The following SGSM2 variants were observed in gnomAD, a reference collection of about 807,000 sequenced individuals.
SGSM2 encodes RUN and TBC1 domain containing 1.
Under a neutral mutation model 126.6 loss-of-function variants are expected in SGSM2, and 89 were observed. The observed-to-expected ratio is 0.70, with a 90% CI of 0.59 to 0.84. The LOEUF (loss-of-function observed/expected upper bound fraction) is 0.84, where lower values mean the gene tolerates loss of function less well. Ranked by LOEUF, SGSM2 falls within the 40% of genes least tolerant of loss-of-function variation. The pLI, the probability that SGSM2 is intolerant of heterozygous loss-of-function variation, is 0.00. For missense variants in SGSM2, 1,404 were observed against 1,416.6 expected (o/e 0.99, Z 0.14); for synonymous variants, 614 against 574.3 (o/e 1.07, Z -0.99).
chr17:2,338,789 A>ATATATATATATATATAT lies in SGSM2; in HGVS notation c.57+1044_57+1045insTATATATATATATATAT, dbSNP rs1483751869. On this transcript the variant is annotated intron_variant, in intron 1 of 23. Transcript: ENST00000268989. Reference sequence around the variant, plus strand: ...CCGTCTCCCTAATATATATATATATAACCTCACGCCTGTAATCCCAGCACG... The same window carrying ATATATATATATATATAT: ...CCGTCTCCCTAATATATATATATATATATATATATATATATATACCTCACGCCTGTAATCCCAGCACG... Among the ~76,000 whole-genome samples the ATATATATATATATATAT allele has an allele frequency of 5.4e-5, 8 of 148,202 alleles. No homozygotes were observed. In the East Asian group the frequency reaches 6.7e-4, roughly 13 times the overall value.
intron 2 of SGSM2, among the ~76,000 whole-genome samples, chr17:2,357,770 T>G (rs1183286120): frequency 6.6e-6 from 1 of 152,238 alleles, no homozygotes; most frequent in Non-Finnish European, 1.5e-5. Flanking sequence ...GTGCTGGGAT[T>G]ACAGGTGTGA....
At chr17:2,371,799 C>G (rs1162016465) in intron 13 of SGSM2, 9 of 384,896 alleles carry the variant, frequency 2.3e-5, no homozygotes, top group African/African-American at 4.2e-5. Context: ...TGAGGACACT[C>G]AGCAGCCACC....
At chr17:2,368,697 C>T (rs1036303071) in intron 12 of SGSM2, among the ~76,000 whole-genome samples, 2 of 138,198 alleles carry the variant, frequency 1.4e-5, no homozygotes, top group African/African-American at 5.3e-5. Flanking sequence ...AGCCCGTAGG[C>T]CAGGCCTAGG....
At chr17:2,368,107 C>T (rs988167813) in intron 12 of SGSM2, among the ~76,000 whole-genome samples, 15 of 152,232 alleles carry the variant, frequency 9.9e-5, no homozygotes, top group African/African-American at 3.4e-4. Context: ...AGCTCCGTCT[C>T]TTCACCTGCG....
At chr17:2,347,841 G>A (rs2064670747) in intron 2 of SGSM2, among the ~76,000 whole-genome samples, 1 of 152,116 alleles carries the variant, frequency 6.6e-6, no homozygotes, top group Non-Finnish European at 1.5e-5. Flanking sequence ...GGCTGGTAGA[G>A]CAGGTTTCAG....
chr17:2,343,232 C>A (rs1056302062), intron 1 of SGSM2, among the ~76,000 whole-genome samples: 7 of 152,108 alleles, frequency 4.6e-5, no homozygotes, highest in African/African-American at 1.7e-4. Flanking sequence ...AGAAGCCCTT[C>A]GTGAGCTGAG....
At chr17:2,373,161 T>A in intron 16 of SGSM2, 80 bp downstream of exon 16, 2 of 1,578,266 alleles carry the variant, frequency 1.3e-6, no homozygotes, top group Admixed American at 3.6e-5. Flanking sequence ...CTTGGAAGCC[T>A]CAGCCCCTTC....
intron 19 of SGSM2, 115 bp downstream of exon 19, chr17:2,376,376 G>T: frequency 3.6e-6 from 5 of 1,401,054 alleles, no homozygotes; most frequent in Non-Finnish European, 4.9e-6. Flanking sequence ...ATCACACTTG[G>T]CTCCCCCTGC....
At chr17:2,378,921 CCAGCCTCAGCCTCAGCCT>C (rs368736242) in intron 22 of SGSM2, 97 bp from the exon 23 acceptor site, 86,028 of 1,297,768 alleles carry the variant, frequency 0.066, 3,479 homozygotes, top group African/African-American at 0.16. Context: ...AGCCCCAGCC[CCAGCCTCAGCCTCAGCCT>C]CAGCCCCAGC....
At chr17:2,348,134 G>T (rs962224469) in intron 2 of SGSM2, among the ~76,000 whole-genome samples, 1 of 152,292 alleles carries the variant, frequency 6.6e-6, no homozygotes, top group East Asian at 1.9e-4. Context: ...AGCCAGGAAG[G>T]TCTGCCCTGC....
chr17:2,364,115 C>G lies in SGSM2; in HGVS notation c.864C>G (p.Ser288Arg). 1.9e-6 allele frequency: 3 copies of G among 1,614,000 alleles called. No homozygotes were observed. Among genetic ancestry groups the G allele is most frequent in the Non-Finnish European group, 2.5e-6 (3 of 1,179,996 alleles). Residue 288 changes from serine (S) to arginine (R), a missense_variant, in exon 8 of 24, where the codon AGC becomes AGG. Coordinates refer to ENST00000268989, the MANE Select transcript of SGSM2 (RefSeq NM_014853.3). ...TCTCCCTGCACCAGTCTGCAGAGAG[C>G]CTGACTCTGAAGTGGACCCCCAACC... ...GYLSLHQSAE[S>R]LTLKWTPNQL...
At chr17:2,358,319 C>T (rs921854101) in intron 2 of SGSM2, among the ~76,000 whole-genome samples, 1 of 152,134 alleles carries the variant, frequency 6.6e-6, no homozygotes, top group Non-Finnish European at 1.5e-5. Context: ...GCTTTGCAGG[C>T]AGTTCTGAGT....
intron 2 of SGSM2, among the ~76,000 whole-genome samples, chr17:2,344,500 C>T (rs2064507453): frequency 6.6e-6 from 1 of 152,162 alleles, no homozygotes; most frequent in African/African-American, 2.4e-5. Context: ...ACAGCAGATA[C>T]AGCTGCCCTT....
At chr17:2,379,370 C>T in intron 23 of SGSM2, 62 bp from the exon 24 acceptor site, 1 of 1,573,132 alleles carries the variant, frequency 6.4e-7, no homozygotes, top group African/African-American at 1.3e-5. Context: ...GGGTAGTCAG[C>T]CACCTCCTAG....
intron 18 of SGSM2, 92 bp from the exon 19 acceptor site, chr17:2,376,045 C>T: frequency 6.3e-7 from 1 of 1,585,332 alleles, no homozygotes. Context: ...TCTCTGGGTT[C>T]CGTTTTGCTG....
At chr17:2,371,747 C>T (rs1245708073) in intron 13 of SGSM2, 1 of 394,236 alleles carries the variant, frequency 2.5e-6, no homozygotes, top group Non-Finnish European at 4.6e-6. Context: ...GTGAGCTCCC[C>T]TTCCCGATGT....
intron 2 of SGSM2, among the ~76,000 whole-genome samples, chr17:2,353,250 T>C (rs909236531): frequency 8.5e-5 from 13 of 152,058 alleles, no homozygotes; most frequent in African/African-American, 2.9e-4. Flanking sequence ...ACCAAACGAT[T>C]CCACAGATCC....
chr17:2,380,156 G>A lies in SGSM2; in HGVS notation c.*636G>A. On this transcript the variant is annotated 3_prime_UTR_variant, in exon 24 of 24. Coordinates refer to ENST00000268989, the MANE Select transcript of SGSM2 (RefSeq NM_014853.3). ...AGCCCACTTCAGCAGCACTGCCACT[G>A]CCTTTGGCCACCTGAGGTGACCCCC... is the stretch of plus-strand genomic sequence containing the variant. 1 of 1,477,284 alleles carries A rather than the reference G, an allele frequency of 6.8e-7. No individual in the cohort carries two copies. Among genetic ancestry groups the A allele is most frequent in the Non-Finnish European group, 9.0e-7 (1 of 1,114,322 alleles). The allele number at this position is 1,477,284 out of a possible 1,614,324, so 91.5% of individuals were successfully genotyped here. A position where few individuals can be genotyped will look rare whatever the true frequency, so the allele number is the denominator to read the frequency against.
intron 2 of SGSM2, among the ~76,000 whole-genome samples, chr17:2,360,759 A>G (rs911174064): frequency 6.6e-6 from 1 of 152,156 alleles, no homozygotes; most frequent in African/African-American, 2.4e-5. Context: ...TTCTCCCCTC[A>G]GTGTCCCTGC....
Sources: allele counts gnomAD v4.1 joint callset (sites outside exome capture counted in the v4.1 genomes callset), GRCh38; gene constraint gnomAD v4.1.1; transcripts MANE v1.5; gene names NCBI Gene and HGNC (gene_info 2026-07-23, HGNC 2026-07-21).